ANKS1B: variants seen among roughly 807,000 people sequenced by gnomAD.
ANKS1B encodes ankyrin repeat and sterile alpha motif domain-containing protein 1B.
ANKS1B carries 36 observed loss-of-function variants against 148.3 expected under a neutral mutation model. The observed-to-expected ratio is 0.24, with a 90% CI of 0.19 to 0.32. ANKS1B has a LOEUF of 0.32. Ranked by LOEUF, ANKS1B falls within the 10% of genes least tolerant of loss-of-function variation. The pLI is 1.00. For missense variants in ANKS1B, 1,157 were observed against 1,542.6 expected, an observed-to-expected ratio of 0.75 and a Z score of 4.19; for synonymous variants, 542 against 560.8, an observed-to-expected ratio of 0.97 and a Z score of 0.47.
chr12:99,411,907 T>C (rs2094720848), intron 11 of ANKS1B, among the ~76,000 whole-genome samples: 1 of 152,220 alleles, frequency 6.6e-6, no homozygotes, highest in African/African-American at 2.4e-5. Context: ...TAAAGAACCT[T>C]CATTAATTTG....
intron 9 of ANKS1B, among the ~76,000 whole-genome samples, chr12:99,521,511 C>A (rs958133814): frequency 9.2e-5 from 14 of 152,080 alleles, no homozygotes; most frequent in Non-Finnish European, 1.5e-5. Flanking sequence ...GCAGTACAGG[C>A]TTGTTTGTGC....
chr12:99,801,384 G>A (rs1041388421), intron 4 of ANKS1B, among the ~76,000 whole-genome samples: 4 of 152,154 alleles, frequency 2.6e-5, no homozygotes, highest in African/African-American at 7.2e-5. Context: ...AAAAGAAAAC[G>A]GTGGTTCAAA....
At chr12:99,526,290 T>C (rs570761624) in intron 9 of ANKS1B, among the ~76,000 whole-genome samples, 5 of 152,302 alleles carry the variant, frequency 3.3e-5, no homozygotes, top group East Asian at 1.9e-4. Flanking sequence ...AGCAGATCTT[T>C]AGACAGCATG....
At chr12:98,836,061 A>G (rs2153707114) in intron 17 of ANKS1B, among the ~76,000 whole-genome samples, 1 of 152,300 alleles carries the variant, frequency 6.6e-6, no homozygotes, top group Non-Finnish European at 1.5e-5. Context: ...TCACACTGCT[A>G]AGAGGTACAT....
chr12:99,675,696 A>AT (rs2098560702), intron 8 of ANKS1B, among the ~76,000 whole-genome samples: 1 of 151,924 alleles, frequency 6.6e-6, no homozygotes, highest in Non-Finnish European at 1.5e-5. Context: ...GTGCACAAAG[A>AT]TTTTTTACTC....
intron 10 of ANKS1B, among the ~76,000 whole-genome samples, chr12:99,466,408 A>T (rs1302539943): frequency 6.6e-6 from 1 of 151,966 alleles, no homozygotes; most frequent in East Asian, 1.9e-4. Flanking sequence ...CACATTCAAA[A>T]GCTAGCAGAA....
chr12:99,758,102 G>GTAA (rs1299761769), intron 8 of ANKS1B, among the ~76,000 whole-genome samples: 1 of 151,806 alleles, frequency 6.6e-6, no homozygotes, highest in East Asian at 1.9e-4. Flanking sequence ...CGTAAAAAAA[G>GTAA]TAAGGCTCTC....
At position 99,806,591 on chromosome 12, in the gene ANKS1B, A is replaced by G; in HGVS notation, c.482T>C (p.Leu161Pro). The G allele has an allele frequency of 6.2e-7, 1 of 1,613,980 alleles. No homozygotes were observed. ...TGCCGCCAAGTCCAAAGGTGTTTCC[A>G]GCTTGCTATTTCTAATTGTCGGGTC... ...LTDPTIRNSK[L>P]ETPLDLAALY... is the part of the protein sequence containing the mutation. The change falls in exon 4 of 27, where the codon CTG (leucine) becomes CCG (proline). Residue 161 changes from leucine to proline, a missense_variant. Leu to Pro is a moderately conservative substitution (Grantham distance 98). This residue lies in a region of ANKS1B where 164 missense variants were observed against 232.6 expected (regional missense o/e 0.71). Transcript: ENST00000683438.
intron 17 of ANKS1B, among the ~76,000 whole-genome samples, chr12:98,947,278 A>C (rs2099846954): frequency 6.6e-6 from 1 of 152,180 alleles, no homozygotes; most frequent in Admixed American, 6.5e-5. Flanking sequence ...ATTTTGGAGC[A>C]GTAAAGGAAG....
chr12:98,968,491 G>A (rs1409315044), intron 17 of ANKS1B, among the ~76,000 whole-genome samples: 1 of 152,174 alleles, frequency 6.6e-6, no homozygotes, highest in African/African-American at 2.4e-5. Context: ...AATTAGGAAG[G>A]TCAGGAAGGC....
intron 8 of ANKS1B, among the ~76,000 whole-genome samples, chr12:99,741,244 C>CACACACACACA (rs1344869197): frequency 4.1e-5 from 6 of 146,682 alleles, no homozygotes; most frequent in African/African-American, 7.5e-5. Flanking sequence ...CACACACACA[C>CACACACACACA]ATCAGGAAAC....
intron 2 of ANKS1B, among the ~76,000 whole-genome samples, chr12:99,824,582 G>A (rs1185707499): frequency 1.3e-5 from 2 of 151,932 alleles, no homozygotes; most frequent in Non-Finnish European, 2.9e-5. Context: ...AAACAGAGAC[G>A]AGGGGGAGAT....
chr12:99,294,837 G>A (rs1340528021), intron 12 of ANKS1B, among the ~76,000 whole-genome samples: 1 of 152,138 alleles, frequency 6.6e-6, no homozygotes, highest in Non-Finnish European at 1.5e-5. Flanking sequence ...ATTTTTAGTA[G>A]AGACGGGGTT....
intron 14 of ANKS1B, chr12:99,155,043 C>A (rs1232009569): frequency 2.0e-6 from 3 of 1,534,988 alleles, no homozygotes; most frequent in African/African-American, 2.7e-5. Flanking sequence ...CAAAAGCAAA[C>A]CAAAGTGCTT....
At chr12:99,874,910 CAT>C (rs1337430726) in intron 1 of ANKS1B, among the ~76,000 whole-genome samples, 2 of 152,178 alleles carry the variant, frequency 1.3e-5, no homozygotes, top group Non-Finnish European at 2.9e-5. Flanking sequence ...AAATACTTGA[CAT>C]GTGTCTACTT....
intron 12 of ANKS1B, among the ~76,000 whole-genome samples, chr12:99,370,323 G>A (rs2152466818): frequency 6.6e-6 from 1 of 152,264 alleles, no homozygotes; most frequent in Non-Finnish European, 1.5e-5. Context: ...GGCAGGGATA[G>A]CCTGCCTCAG....
At chr12:99,007,855 T>C (rs892846058) in intron 17 of ANKS1B, among the ~76,000 whole-genome samples, 9 of 148,434 alleles carry the variant, frequency 6.1e-5, no homozygotes, top group African/African-American at 1.7e-4. Context: ...ACTGAGACTC[T>C]TGTGGGGCAG....
chr12:99,449,713 A>C (rs2095694889), intron 10 of ANKS1B, among the ~76,000 whole-genome samples: 1 of 152,322 alleles, frequency 6.6e-6, no homozygotes, highest in South Asian at 2.1e-4. Context: ...CAAGAAAACA[A>C]ATAGTTATCC....
intron 9 of ANKS1B, among the ~76,000 whole-genome samples, chr12:99,614,892 G>A (rs1269412127): frequency 8.1e-5 from 12 of 148,840 alleles, no homozygotes; most frequent in African/African-American, 9.8e-5. Context: ...TCTTCCTCAG[G>A]AAAAAAAAAA....
Sources: gnomAD v4.1 joint callset for allele counts (sites outside exome capture counted in the v4.1 genomes callset) on GRCh38, gnomAD v4.1.1 for gene constraint, gnomAD v4.1.1 regional missense constraint, MANE v1.5 for transcripts, NCBI Gene and HGNC (gene_info 2026-07-23, HGNC 2026-07-21) for gene names.